ACYP2: variants seen among roughly 807,000 people sequenced by gnomAD.
ACYP2 encodes the protein acylphosphatase-2.
A neutral mutation model predicts 11.2 loss-of-function variants in ACYP2; 12 were observed. The ratio of observed to expected loss-of-function variants is 1.08; its 90% CI spans 0.69 to 1.74. ACYP2 has a LOEUF of 1.74. Among genes scored for constraint, ACYP2 ranks in the 40% most tolerant of loss-of-function variants. The pLI, the probability that ACYP2 is intolerant of heterozygous loss-of-function variation, is 0.00. For missense variants in ACYP2, 134 were observed against 101.9 expected, an observed-to-expected ratio of 1.31 and a Z score of -1.35; for synonymous variants, 43 against 32.2, an observed-to-expected ratio of 1.33 and a Z score of -1.13.
At chr2:54,036,423 C>G (rs1674906494) in intron 2 of ACYP2, among the ~76,000 whole-genome samples, 2 of 151,708 alleles carry the variant, frequency 1.3e-5, no homozygotes, top group Non-Finnish European at 2.9e-5. Flanking sequence ...TAAAGTAACA[C>G]TCACAGTTTC....
At chr2:54,043,961 A>T (rs1009079266) in intron 2 of ACYP2, among the ~76,000 whole-genome samples, 2 of 152,158 alleles carry the variant, frequency 1.3e-5, no homozygotes, top group Non-Finnish European at 2.9e-5. Context: ...GTAAAAATGT[A>T]TGTGAGGATG....
At chr2:54,004,307 C>G (rs1206900886) in intron 2 of ACYP2, among the ~76,000 whole-genome samples, 2 of 151,212 alleles carry the variant, frequency 1.3e-5, no homozygotes, top group African/African-American at 2.4e-5. Context: ...TTTTAATTTG[C>G]AATTCCCTAA....
At chr2:54,269,636 G>T (rs1688192932) in intron 6 of ACYP2, among the ~76,000 whole-genome samples, 1 of 152,116 alleles carries the variant, frequency 6.6e-6, no homozygotes, top group South Asian at 2.1e-4. Context: ...CTAGGAAGCT[G>T]AATAACTTAC....
intron 4 of ACYP2, among the ~76,000 whole-genome samples, chr2:54,124,260 T>C (rs960458901): frequency 1.2e-4 from 19 of 152,052 alleles, no homozygotes; most frequent in African/African-American, 3.9e-4. Context: ...AATGGCGCGA[T>C]GTGGGCTCAC....
chr2:53,977,210 G>C (rs1051454871), intron 2 of ACYP2, among the ~76,000 whole-genome samples: 1 of 152,004 alleles, frequency 6.6e-6, no homozygotes, highest in African/African-American at 2.4e-5. Flanking sequence ...ATCACGCCCA[G>C]CTAATTTTTT....
intron 4 of ACYP2, among the ~76,000 whole-genome samples, chr2:54,106,349 C>A (rs886402545): frequency 6.6e-6 from 1 of 151,354 alleles, no homozygotes; most frequent in Non-Finnish European, 1.5e-5. Flanking sequence ...CAGGTGTGAA[C>A]CACCGTTCCC....
intron 6 of ACYP2, among the ~76,000 whole-genome samples, chr2:54,156,238 T>C (rs1682423993): frequency 6.6e-6 from 1 of 152,186 alleles, no homozygotes; most frequent in South Asian, 2.1e-4. Flanking sequence ...TTACCTACAA[T>C]ATAAAAACTT....
At chr2:54,267,724 GGTT>G (rs1688101086) in intron 6 of ACYP2, among the ~76,000 whole-genome samples, 1 of 152,138 alleles carries the variant, frequency 6.6e-6, no homozygotes, top group Non-Finnish European at 1.5e-5. Context: ...TCCACTTGTG[GGTT>G]ACAATGGTAA....
rs556025661 is a variant in ACYP2, at chr2:54,291,435, T to G, written c.405-13253T>G. On this transcript the variant is annotated intron_variant, in intron 6 of 6. Transcript: ENST00000607452. ...AGAGTGAAGAATTTCATGAAGCTCT[T>G]GTTAACTGAATAATGGCTGCAGTAG... Among the ~76,000 whole-genome samples, 4 of 152,328 alleles carry G rather than the reference T, an allele frequency of 2.6e-5. No homozygotes were observed. In the East Asian group the frequency reaches 7.7e-4, roughly 29 times the overall value.
intron 2 of ACYP2, among the ~76,000 whole-genome samples, chr2:54,003,395 G>T (rs989604860): frequency 2.0e-5 from 3 of 152,138 alleles, no homozygotes. Context: ...GAGTAGCTGG[G>T]ATTACAGGCA....
At position 54,015,291 on chromosome 2, in the gene ACYP2, C is replaced by T. The variant is rs573595302; in HGVS notation, c.63-35667C>T. ...CTCTGGGAGGCCGAGGCGAGCAGAT[C>T]ATGTGAGGACGGGAGTTCAAGACCA... On this transcript the variant is annotated intron_variant, in intron 2 of 6. Transcript: ENST00000607452. Among the ~76,000 whole-genome samples, 10 of 150,378 alleles carry T rather than the reference C, an allele frequency of 6.6e-5. No individual in the cohort carries two copies. The South Asian group carries it at 1.1e-3, about 16-fold the overall frequency.
chr2:54,154,700 T>A lies in ACYP2; in HGVS notation c.404+15952T>A, dbSNP rs143640698. On this transcript the variant is annotated intron_variant, in intron 6 of 6. Transcript: ENST00000607452. ...TCGTATTTTGTTGAGGATTTTTGCATCTATGTTCATCAGGGATATTGGCCT... is the reference window on the plus strand; with the variant it reads ...TCGTATTTTGTTGAGGATTTTTGCAACTATGTTCATCAGGGATATTGGCCT... Among the ~76,000 whole-genome samples the A allele has an allele frequency of 3.9e-5, 6 of 152,326 alleles. No homozygotes were observed. In the East Asian group the frequency reaches 1.2e-3, roughly 29 times the overall value.
chr2:54,171,203 C>T (rs1683207434), intron 6 of ACYP2, among the ~76,000 whole-genome samples: 1 of 152,274 alleles, frequency 6.6e-6, no homozygotes, highest in East Asian at 1.9e-4. Flanking sequence ...CAAAGGTTCA[C>T]GCTGGCCTTC....
chr2:54,034,088 A>C (rs1674741550), intron 2 of ACYP2, among the ~76,000 whole-genome samples: 1 of 152,160 alleles, frequency 6.6e-6, no homozygotes, highest in African/African-American at 2.4e-5. Flanking sequence ...AGAAAGCCCA[A>C]AATAAAAGAA....
chr2:54,128,066 G>C (rs1282220708), intron 4 of ACYP2, among the ~76,000 whole-genome samples: 2 of 152,266 alleles, frequency 1.3e-5, no homozygotes, highest in East Asian at 1.9e-4. Context: ...CTTCCCTTTT[G>C]TCCAGTCATT....
At chr2:54,097,856 T>A (rs1678674071) in intron 4 of ACYP2, among the ~76,000 whole-genome samples, 1 of 132,032 alleles carries the variant, frequency 7.6e-6, no homozygotes, top group African/African-American at 2.7e-5. Flanking sequence ...ATTTTCTTCT[T>A]TCTTTCTTTC....
At chr2:54,053,320 C>A (rs1001248772) in intron 3 of ACYP2, among the ~76,000 whole-genome samples, 1 of 152,196 alleles carries the variant, frequency 6.6e-6, no homozygotes, top group Non-Finnish European at 1.5e-5. Flanking sequence ...AGCCTTCATC[C>A]ACTAGCTCAG....
At chr2:54,260,378 G>A (rs1687726763) in intron 6 of ACYP2, among the ~76,000 whole-genome samples, 1 of 152,088 alleles carries the variant, frequency 6.6e-6, no homozygotes. Flanking sequence ...AGTATTGTCA[G>A]ACAATGTTAA....
chr2:54,208,453 G>T (rs11125528), intron 6 of ACYP2, among the ~76,000 whole-genome samples: 36,471 of 151,868 alleles, frequency 0.24, 4,554 homozygotes, highest in East Asian at 0.39. Flanking sequence ...GCAGGGGGTG[G>T]GATGTTTCTT....
Sources: allele counts gnomAD v4.1 joint callset (sites outside exome capture counted in the v4.1 genomes callset), GRCh38; gene constraint gnomAD v4.1.1; transcripts MANE v1.5; gene names NCBI Gene and HGNC (gene_info 2026-07-23, HGNC 2026-07-21).